The following RC3H2 variants were observed in gnomAD, a reference collection of about 807,000 sequenced individuals.
RC3H2 encodes the protein roquin-2.
Under a neutral mutation model 133.3 loss-of-function variants are expected in RC3H2, and 31 were observed. The ratio of observed to expected loss-of-function variants is 0.23; its 90% CI spans 0.17 to 0.31. RC3H2 has a LOEUF of 0.31. Ranked by LOEUF, RC3H2 falls within the 10% of genes least tolerant of loss-of-function variation. The probability of loss-of-function intolerance (pLI) is 1.00; values close to 1 mark genes in which losing one functional copy is unlikely to be tolerated. For missense variants in RC3H2, 1,175 were observed against 1,437.2 expected, an observed-to-expected ratio of 0.82 and a Z score of 2.95; for synonymous variants, 517 against 502.2, an observed-to-expected ratio of 1.03 and a Z score of -0.40.
intron 4 of RC3H2, among the ~76,000 whole-genome samples, chr9:122,889,648 A>C (rs1008802644): frequency 4.6e-5 from 7 of 152,188 alleles, no homozygotes; most frequent in Admixed American, 3.3e-4. Flanking sequence ...TCAAGAGTTT[A>C]AACATTTTTT....
rs375802220 is a variant in RC3H2, at chr9:122,859,593, C to A, written c.1849+324G>T. On this transcript the variant is annotated intron_variant, in intron 11 of 20. Coordinates refer to ENST00000357244, the MANE Select transcript of RC3H2 (RefSeq NM_001100588.3). ...TTTTTTGGGAGCAGACGTTAAAGACCTCTTTCAAAATCTATGTAAGTTGTT... is the reference window on the plus strand; with the variant it reads ...TTTTTTGGGAGCAGACGTTAAAGACATCTTTCAAAATCTATGTAAGTTGTT... Among the ~76,000 whole-genome samples, 39 of 152,184 alleles carry A rather than the reference C, an allele frequency of 2.6e-4. 1 individual carries two copies. In the South Asian group the frequency reaches 7.5e-3, roughly 29 times the overall value.
In RC3H2 at chr9:122,858,753, C is replaced by T; in HGVS notation, c.2199G>A (p.Arg733=). The T allele has an allele frequency of 6.2e-7, 1 of 1,614,198 alleles. No individual in the cohort carries two copies. Among genetic ancestry groups the T allele is most frequent in the African/African-American group, 1.3e-5 (1 of 75,062 alleles). The part of the protein sequence containing the change: ...MHSSVYQTSL[R]ERYNSLDGYY... Reference sequence around the variant, plus strand: ...ATCCATCTAATGAGTTATATCTTTCCCGCAAAGATGTCTGATAGACAGATG... The same window carrying T: ...ATCCATCTAATGAGTTATATCTTTCTCGCAAAGATGTCTGATAGACAGATG... The change falls in exon 12 of 21, where the codon CGG becomes CGA. Residue 733 remains arginine (R), a synonymous_variant. Coordinates refer to ENST00000357244, the MANE Select transcript of RC3H2 (RefSeq NM_001100588.3).
rs376680596 is a variant in RC3H2 at position 122,893,008 on chromosome 9, T to C, written c.250A>G (p.Ile84Val). 1.2e-5 allele frequency: 20 copies of C among 1,608,458 alleles called. No individual in the cohort carries two copies. The African/African-American group carries it at 2.3e-4, about 18-fold the overall frequency. The change falls in exon 3 of 21, where the codon ATT (isoleucine) becomes GTT (valine). Residue 84 changes from isoleucine (I) to valine (V), a missense_variant. Ile to Val is a conservative substitution (Grantham distance 29). Transcript: ENST00000357244. ...VGAQVPDHQS[I>V]KLSNLGENKH... Reference sequence around the variant, plus strand: ...TTCTCACCTAGATTACTTAACTTAATTGACTGATGATCTGGTACCTTAAAA... The same window carrying C: ...TTCTCACCTAGATTACTTAACTTAACTGACTGATGATCTGGTACCTTAAAA...
intron 11 of RC3H2, 80 bp from the exon 12 acceptor site, chr9:122,859,182 C>T (rs140674103): frequency 4.3e-6 from 5 of 1,151,544 alleles, no homozygotes; most frequent in Middle Eastern, 2.5e-4. Context: ...CTAAGGCAGC[C>T]CTTAATGTAG....
chr9:122,890,940 G>A (rs190044487), intron 3 of RC3H2, among the ~76,000 whole-genome samples: 5 of 150,580 alleles, frequency 3.3e-5, no homozygotes, highest in Admixed American at 2.6e-4. Flanking sequence ...ATAAGAACAA[G>A]TATGCTGTTA....
In RC3H2 at chr9:122,849,332, A is replaced by G. The variant is rs1436599223; in HGVS notation, c.*295T>C. 1.3e-5 allele frequency: 2 copies of G among 152,640 alleles called. No homozygotes were observed. The highest frequency in any genetic ancestry group is 2.9e-5 in the Non-Finnish European group (2 of 68,428). The allele number at this position is 152,640 out of a possible 1,614,324, so 9.5% of individuals were successfully genotyped here. A position where few individuals can be genotyped will look rare whatever the true frequency, so the allele number is the denominator to read the frequency against. ...AAATAGGAAATGGCTCAGTTACTGC[A>G]CCGGATTGCTACAAACTCATAAAAA... On this transcript the variant is annotated 3_prime_UTR_variant, in exon 21 of 21. Transcript: ENST00000357244.
At chr9:122,898,932 A>C (rs1463741590) in intron 1 of RC3H2, among the ~76,000 whole-genome samples, 1 of 152,050 alleles carries the variant, frequency 6.6e-6, no homozygotes, top group African/African-American at 2.4e-5. Context: ...TCAAACAACT[A>C]ATACTTTATT....
At chr9:122,901,255 T>C (rs1832636169) in intron 1 of RC3H2, among the ~76,000 whole-genome samples, 1 of 152,232 alleles carries the variant, frequency 6.6e-6, no homozygotes, top group African/African-American at 2.4e-5. Flanking sequence ...GTGAGGAATA[T>C]AAGCTACTGA....
Position 122,893,012 on chromosome 9 carries a change from C to G in RC3H2, c.246G>C (p.Gln82His), listed in dbSNP as rs760260671. ...QLVGAQVPDH[Q>H]SIKLSNLGEN... ...CACCTAGATTACTTAACTTAATTGA[C>G]TGATGATCTGGTACCTTAAAAAAAA... The change falls in exon 3 of 21, where the codon CAG (glutamine) becomes CAC (histidine). Residue 82 changes from glutamine to histidine, a missense_variant. Gln to His is a conservative substitution (Grantham distance 24, BLOSUM62 0). This residue lies in a region of RC3H2 where 30 missense variants were observed against 25.2 expected (regional missense o/e 1.19). Transcript: ENST00000357244. 52 of 1,600,936 alleles carry G rather than the reference C, an allele frequency of 3.2e-5. No homozygotes were observed. The highest frequency in any genetic ancestry group is 4.2e-5 in the Non-Finnish European group (50 of 1,176,728).
chr9:122,874,907 A>G (rs936799470), intron 9 of RC3H2: 3 of 343,670 alleles, frequency 8.7e-6, no homozygotes, highest in African/African-American at 6.2e-5. Flanking sequence ...AAGAATGTGA[A>G]GTCTGTTTGA....
At chr9:122,891,616 AC>A (rs1435792717) in intron 3 of RC3H2, among the ~76,000 whole-genome samples, 3 of 152,142 alleles carry the variant, frequency 2.0e-5, no homozygotes, top group Non-Finnish European at 2.9e-5. Context: ...CCTTTAAAAC[AC>A]ATTATTTGGC....
intron 8 of RC3H2, among the ~76,000 whole-genome samples, chr9:122,877,785 C>A (rs78398821): frequency 6.6e-6 from 1 of 152,154 alleles, no homozygotes; most frequent in Non-Finnish European, 1.5e-5. Context: ...TTCAGATATT[C>A]CTTCTGAAGA....
At chr9:122,859,312 C>T (rs896513502) in intron 11 of RC3H2, among the ~76,000 whole-genome samples, 29 of 127,014 alleles carry the variant, frequency 2.3e-4, no homozygotes, top group Non-Finnish European at 7.8e-5. Flanking sequence ...CCAGGCTGGT[C>T]GCAAACTCCT....
Position 122,851,120 on chromosome 9 carries a change from T to A in RC3H2, c.3341A>T (p.Lys1114Met). 1 of 1,614,214 alleles carries A rather than the reference T, an allele frequency of 6.2e-7. No individual in the cohort carries two copies. Among genetic ancestry groups the A allele is most frequent in the East Asian group, 2.2e-5 (1 of 44,880 alleles). Residue 1114 changes from lysine (K) to methionine (M), a missense_variant, in exon 20 of 21, where the codon AAG becomes ATG. Lys to Met is a moderately conservative substitution (Grantham distance 95, BLOSUM62 -1). Transcript: ENST00000357244. Reference protein sequence around the residue: ...PVQQHQKEPPKQKKQSLGEDH... With the variant: ...PVQQHQKEPPMQKKQSLGEDH... ...TTCACCTAAACTCTGTTTCTTCTGC[T>A]TTGGTGGCTCCTTTTGGTGCTGCTG...
intron 9 of RC3H2, among the ~76,000 whole-genome samples, chr9:122,875,653 CAG>C (rs1247968569): frequency 6.6e-6 from 1 of 152,156 alleles, no homozygotes; most frequent in Non-Finnish European, 1.5e-5. Context: ...TATGAAGTGT[CAG>C]GGGAATTACC....
intron 11 of RC3H2, 49 bp downstream of exon 11, chr9:122,859,868 A>G (rs753584423): frequency 1.4e-6 from 2 of 1,406,700 alleles, no homozygotes; most frequent in African/African-American, 1.4e-5. Flanking sequence ...TCATTTATCT[A>G]AAGGAAACAA....
Position 122,865,646 on chromosome 9 carries a change from C to G in RC3H2, c.1337G>C (p.Arg446Thr). 1 of 1,610,134 alleles carries G rather than the reference C, an allele frequency of 6.2e-7. No individual in the cohort carries two copies. The highest frequency in any genetic ancestry group is 1.1e-5 in the South Asian group (1 of 91,068). Residue 446 changes from arginine (R) to threonine (T), a missense_variant, in exon 10 of 21, where the codon AGG becomes ACG. By Grantham distance (71) the Arg-to-Thr change is moderately conservative (BLOSUM62 -1). Coordinates refer to ENST00000357244, the MANE Select transcript of RC3H2 (RefSeq NM_001100588.3). ...TACAGTGGCATTGATCTTTTTGTTC[C>G]TTAATCGATACCTGTTTCAAAAACA... ...SQEELEKYRL[R>T]NKKINATVRT...
chr9:122,866,835 G>A (rs1830701208), intron 9 of RC3H2, among the ~76,000 whole-genome samples: 1 of 152,098 alleles, frequency 6.6e-6, no homozygotes, highest in Non-Finnish European at 1.5e-5. Context: ...ACCCCGTCTG[G>A]GAAGTGAGGA....
At chr9:122,897,135 T>C in intron 2 of RC3H2, 144 bp downstream of exon 2, 1 of 682,992 alleles carries the variant, frequency 1.5e-6, no homozygotes, top group Non-Finnish European at 2.5e-6. Flanking sequence ...CACAATGTTT[T>C]AAGGAAGTTT....
Sources: allele counts gnomAD v4.1 joint callset (sites outside exome capture counted in the v4.1 genomes callset), GRCh38; gene constraint gnomAD v4.1.1; regional missense constraint gnomAD v4.1.1; transcripts MANE v1.5; gene names NCBI Gene and HGNC (gene_info 2026-07-23, HGNC 2026-07-21).